Variants in GRK4 observed in about 807,000 individuals in gnomAD.
The protein encoded by GRK4 is G protein-coupled receptor kinase 2-like.
In GRK4, 73 loss-of-function variants were observed where a neutral mutation model predicts 77.9. The ratio of observed to expected loss-of-function variants is 0.94; its 90% CI spans 0.78 to 1.14. The LOEUF (loss-of-function observed/expected upper bound fraction) is 1.14, where lower values mean the gene tolerates loss of function less well. Ranked by LOEUF, GRK4 falls within the 50% of genes most tolerant of loss-of-function variation. The pLI is 0.00. For missense variants in GRK4, 729 were observed against 700.2 expected (o/e 1.04, Z -0.46); for synonymous variants, 257 against 254.4 (o/e 1.01, Z -0.10).
chr4:3,012,477 AC>A (rs1733187230), intron 7 of GRK4, among the ~76,000 whole-genome samples: 1 of 152,220 alleles, frequency 6.6e-6, no homozygotes, highest in South Asian at 2.1e-4. Context: ...AGTTTTTATC[AC>A]TGTCCTTATT....
chr4:3,019,486 C>A (rs149540498), intron 8 of GRK4, among the ~76,000 whole-genome samples, 155 bp from the exon 9 acceptor site: 1 of 152,270 alleles, frequency 6.6e-6, no homozygotes, highest in African/African-American at 2.4e-5. Flanking sequence ...CCAAGAGGCA[C>A]GTGATATGTC....
In GRK4 at chr4:2,983,906, A is replaced by T. The variant is rs533383869; in HGVS notation, c.53-607A>T. 2.0e-5 allele frequency among the ~76,000 whole-genome samples: 3 copies of T among 152,084 alleles called. No individual in the cohort carries two copies. The East Asian group carries it at 5.8e-4, about 29-fold the overall frequency. On this transcript the variant is annotated intron_variant, in intron 1 of 15. Coordinates refer to ENST00000398052, the MANE Select transcript of GRK4 (RefSeq NM_182982.3). ...TCTTACATGGTGGCAGGAGAGAGAG[A>T]GGGGGAGAGAGAGCACAAGGGAAAC... is the stretch of plus-strand genomic sequence containing the variant.
At chr4:2,992,366 T>C in intron 4 of GRK4, 74 bp downstream of exon 4, 1 of 1,007,770 alleles carries the variant, frequency 9.9e-7, no homozygotes, top group South Asian at 1.3e-5. Flanking sequence ...CTTTGTTAGA[T>C]AAGACGTAAC....
chr4:2,975,038 C>G (rs1435245367), intron 1 of GRK4, among the ~76,000 whole-genome samples: 2 of 152,218 alleles, frequency 1.3e-5, no homozygotes, highest in East Asian at 1.9e-4. Context: ...GGCGCGGTGG[C>G]TCTCGCCTGT....
At chr4:2,972,525 C>CGG (rs375610930) in intron 1 of GRK4, among the ~76,000 whole-genome samples, 133 of 149,540 alleles carry the variant, frequency 8.9e-4, no homozygotes, top group African/African-American at 3.2e-3. Context: ...CCCAAACCTG[C>CGG]GGGGGGGGGC....
chr4:2,982,177 T>TGAAGGGG (rs537207383), intron 1 of GRK4, among the ~76,000 whole-genome samples: 1,550 of 152,354 alleles, frequency 0.01, 29 homozygotes, highest in African/African-American at 0.036. Context: ...CTCCCAGTAG[T>TGAAGGGG]GTGGGGCTCC....
chr4:2,965,277 C>G (rs1199682320), intron 1 of GRK4: 7 of 703,032 alleles, frequency 1.0e-5, no homozygotes, highest in South Asian at 8.9e-5. Flanking sequence ...ATCAGTTGGT[C>G]CAGCCCTTCA....
chr4:2,987,160 T>G (rs899768586), intron 2 of GRK4: 3 of 517,572 alleles, frequency 5.8e-6, no homozygotes, highest in Non-Finnish European at 1.2e-5. Context: ...AAATCCACTT[T>G]CTGTCTATGT....
intron 12 of GRK4, among the ~76,000 whole-genome samples, chr4:3,031,781 C>T (rs1367652474): frequency 6.6e-6 from 1 of 152,004 alleles, no homozygotes; most frequent in Non-Finnish European, 1.5e-5. Context: ...GAGAGAGTGG[C>T]TGGGGGTCAC....
At chr4:3,035,571 A>G in intron 13 of GRK4, 48 bp downstream of exon 13, 2 of 1,549,966 alleles carry the variant, frequency 1.3e-6, no homozygotes, top group Non-Finnish European at 1.7e-6. Context: ...AGTGATCCGC[A>G]CAGCACGGTT....
intron 1 of GRK4, among the ~76,000 whole-genome samples, chr4:2,979,821 G>A (rs745336010): frequency 6.0e-4 from 91 of 152,320 alleles, no homozygotes; most frequent in Non-Finnish European, 2.5e-4. Context: ...CAAGGCTGCA[G>A]TGAGACTTGC....
intron 4 of GRK4, among the ~76,000 whole-genome samples, chr4:2,994,200 A>C (rs1290262417): frequency 2.0e-5 from 3 of 152,098 alleles, no homozygotes; most frequent in Non-Finnish European, 4.4e-5. Context: ...TCTAGTTCTA[A>C]TTTTTATTTT....
chr4:2,970,636 G>A (rs1262175651), intron 1 of GRK4, among the ~76,000 whole-genome samples: 2 of 149,440 alleles, frequency 1.3e-5, no homozygotes, highest in Non-Finnish European at 3.0e-5. Flanking sequence ...CCAACCTGGC[G>A]ACACGGTGAG....
At chr4:2,974,190 A>G (rs182510604) in intron 1 of GRK4, among the ~76,000 whole-genome samples, 1 of 151,936 alleles carries the variant, frequency 6.6e-6, no homozygotes, top group Admixed American at 6.6e-5. Flanking sequence ...TTCCCATAGC[A>G]CTTATTATTA....
chr4:2,972,546 C>T (rs1428186773), intron 1 of GRK4, among the ~76,000 whole-genome samples: 1 of 151,730 alleles, frequency 6.6e-6, no homozygotes, highest in Non-Finnish European at 1.5e-5. Context: ...CCTTTCTTCT[C>T]TCTCTCTCTC....
intron 2 of GRK4, among the ~76,000 whole-genome samples, 193 bp downstream of exon 2, chr4:2,984,801 C>T (rs1723794790): frequency 6.6e-6 from 1 of 151,988 alleles, no homozygotes; most frequent in Non-Finnish European, 1.5e-5. Flanking sequence ...TGGCTGTTGA[C>T]TTTTTCATTA....
chr4:2,969,358 T>TTTTC (rs1342659182), intron 1 of GRK4: 6 of 149,676 alleles, frequency 4.0e-5, no homozygotes, highest in African/African-American at 1.3e-4. Flanking sequence ...TTTTCTTTTC[T>TTTTC]TTTCTTTCTT....
chr4:2,992,045 T>C (rs1198240644), intron 3 of GRK4, among the ~76,000 whole-genome samples, 170 bp from the exon 4 acceptor site: 1 of 57,942 alleles, frequency 1.7e-5, no homozygotes, highest in Non-Finnish European at 3.7e-5. Flanking sequence ...AAGCTTAACT[T>C]TTTTTTTTTT....
chr4:3,025,550 C>T (rs968214156), intron 10 of GRK4, among the ~76,000 whole-genome samples: 22 of 151,452 alleles, frequency 1.5e-4, no homozygotes, highest in Non-Finnish European at 2.2e-4. Context: ...CCACCACGCC[C>T]GGCTAATTTT....
Sources: gnomAD v4.1 joint callset for allele counts (sites outside exome capture counted in the v4.1 genomes callset) on GRCh38, gnomAD v4.1.1 for gene constraint, MANE v1.5 for transcripts, NCBI Gene and HGNC (gene_info 2026-07-23, HGNC 2026-07-21) for gene names.